Variants in ZDHHC7 observed in about 807,000 individuals in gnomAD.
ZDHHC7 encodes palmitoyltransferase ZDHHC7.
ZDHHC7 carries 12 observed loss-of-function variants against 34.1 expected under a neutral mutation model. The ratio of observed to expected loss-of-function variants is 0.35; its 90% CI spans 0.23 to 0.57. The LOEUF is 0.57. Among genes scored for constraint, ZDHHC7 ranks in the 20% least tolerant of loss-of-function variants. The pLI, the probability that ZDHHC7 is intolerant of heterozygous loss-of-function variation, is 0.84. For synonymous variants in ZDHHC7, 185 were observed against 155.4 expected, an observed-to-expected ratio of 1.19 and a Z score of -1.42; for missense variants, 388 against 402.7, an observed-to-expected ratio of 0.96 and a Z score of 0.31.
chr16:84,996,853 C>A (rs963160652), intron 1 of ZDHHC7, among the ~76,000 whole-genome samples: 3 of 151,980 alleles, frequency 2.0e-5, no homozygotes, highest in African/African-American at 7.3e-5. Context: ...ATGGTGAAAC[C>A]CCGTCGCTAC....
At chr16:85,009,650 C>T (rs2072762283) in intron 1 of ZDHHC7, among the ~76,000 whole-genome samples, 1 of 151,894 alleles carries the variant, frequency 6.6e-6, no homozygotes, top group African/African-American at 2.4e-5. Context: ...ATTTCAGTTC[C>T]ATTCCATATT....
upstream of ZDHHC7, chr16:85,011,606 C>G (rs925328711): frequency 2.0e-5 from 3 of 152,222 alleles, no homozygotes; most frequent in East Asian, 1.9e-4. Context: ...GAGGGGCGCT[C>G]GAGGCGGTTT....
intron 3 of ZDHHC7, chr16:84,988,830 G>C (rs746504143): frequency 6.4e-7 from 1 of 1,551,824 alleles, no homozygotes; most frequent in South Asian, 1.2e-5. Context: ...GTCCAGCCCA[G>C]TTTTCACTGT....
the ZDHHC7 span, among the ~76,000 whole-genome samples, chr16:85,020,298 T>C: frequency 6.6e-6 from 1 of 152,218 alleles, no homozygotes; most frequent in African/African-American, 2.4e-5. Flanking sequence ...TTTAAACTCA[T>C]ATTTATTCAT....
At chr16:84,988,197 A>G (rs1456678378) in intron 3 of ZDHHC7, among the ~76,000 whole-genome samples, 1 of 152,108 alleles carries the variant, frequency 6.6e-6, no homozygotes, top group South Asian at 2.1e-4. Context: ...GAACATGCAA[A>G]TTCCACAGAG....
chr16:85,021,162 C>T, the ZDHHC7 span, among the ~76,000 whole-genome samples: 6 of 151,718 alleles, frequency 4.0e-5, no homozygotes, highest in African/African-American at 1.5e-4. Flanking sequence ...ACCTGTAATC[C>T]CAGCACTTTG....
chr16:84,990,898 A>G (rs1322797891), intron 2 of ZDHHC7, among the ~76,000 whole-genome samples: 2 of 152,184 alleles, frequency 1.3e-5, no homozygotes, highest in Non-Finnish European at 2.9e-5. Context: ...GGCCACATAC[A>G]AAGATTATGG....
chr16:84,993,243 C>G (rs1264172865), intron 2 of ZDHHC7, among the ~76,000 whole-genome samples: 1 of 151,936 alleles, frequency 6.6e-6, no homozygotes, highest in Non-Finnish European at 1.5e-5. Context: ...ATTGCTTGAG[C>G]CTGGGAGGTG....
the ZDHHC7 span, among the ~76,000 whole-genome samples, chr16:85,018,742 G>A: frequency 3.3e-5 from 5 of 152,046 alleles, no homozygotes; most frequent in East Asian, 1.9e-4. Context: ...GAGCCACTGC[G>A]CCCAGCTGGT....
At chr16:84,990,868 A>AG (rs1186537689) in intron 2 of ZDHHC7, among the ~76,000 whole-genome samples, 1 of 90,766 alleles carries the variant, frequency 1.1e-5, no homozygotes, top group African/African-American at 7.4e-5. Context: ...CATATACAAA[A>AG]CCTATCTATG....
chr16:85,001,499 G>A (rs1269076125), intron 1 of ZDHHC7, among the ~76,000 whole-genome samples: 1 of 117,506 alleles, frequency 8.5e-6, no homozygotes, highest in African/African-American at 3.5e-5. Context: ...GTAAATGGAT[G>A]GCAAGAGCCA....
chr16:84,981,981 T>G lies in ZDHHC7; in HGVS notation c.329A>C (p.Lys110Thr). The stretch of plus-strand genomic sequence containing the variant: ...CATGTATTCTTTCGTAGCGTTTCCT[T>G]TGGGTACTGCCCCCTACCATATAAG... Reference protein sequence around the residue: ...TMLTDPGAVPKGNATKEYMES... With the variant: ...TMLTDPGAVPTGNATKEYMES... Residue 110 changes from lysine (K) to threonine (T), a missense_variant, in exon 4 of 8, where the codon AAA becomes ACA. Physicochemically the swap from Lys to Thr is moderately conservative, Grantham distance 78. Coordinates refer to ENST00000313732, the MANE Select transcript of ZDHHC7 (RefSeq NM_017740.3). 6.2e-7 allele frequency: 1 copy of G among 1,614,116 alleles called. No homozygotes were observed. The highest frequency in any genetic ancestry group is 1.1e-5 in the South Asian group (1 of 91,076).
chr16:85,004,383 C>A (rs963779933), intron 1 of ZDHHC7, among the ~76,000 whole-genome samples: 5 of 152,206 alleles, frequency 3.3e-5, no homozygotes, highest in East Asian at 1.9e-4. Context: ...CTGACCAGTC[C>A]TCTCTCTACT....
chr16:84,993,793 C>G (rs1425001041), intron 2 of ZDHHC7, among the ~76,000 whole-genome samples: 1 of 152,224 alleles, frequency 6.6e-6, no homozygotes, highest in African/African-American at 2.4e-5. Flanking sequence ...TCTGTCTGCT[C>G]AACATCCCCT....
At chr16:85,023,957 G>A in the ZDHHC7 span, among the ~76,000 whole-genome samples, 238 of 151,960 alleles carry the variant, frequency 1.6e-3, 1 homozygote, top group African/African-American at 5.3e-3. Context: ...TCGCTCTGTC[G>A]CCCAGGTTGG....
At position 84,983,477 on chromosome 16, in the gene ZDHHC7, A is replaced by G. The variant is rs111236800; in HGVS notation, c.316-1483T>C. ...GGATTCAGGGCTACCAACAGGCCAG[A>G]GCTGGAGCCTTGGGCAGCACAGGCA... On this transcript the variant is annotated intron_variant, in intron 3 of 7. Coordinates refer to ENST00000313732, the MANE Select transcript of ZDHHC7 (RefSeq NM_017740.3). Among the ~76,000 whole-genome samples, 770 of 152,258 alleles carry G rather than the reference A, an allele frequency of 5.1e-3. 7 individuals are homozygous for G. Among genetic ancestry groups the G allele is most frequent in the African/African-American group, 0.018 (739 of 41,546 alleles).
Position 84,978,019 on chromosome 16 carries a change from G to T in ZDHHC7, c.538-14C>A, listed in dbSNP as rs746221378. Reference sequence around the variant, plus strand: ...AGCTATATACATCTAGAATGAGGGGGAGATTGGTTAGTCACTTTTATTTTT... The same window carrying T: ...AGCTATATACATCTAGAATGAGGGGTAGATTGGTTAGTCACTTTTATTTTT... On this transcript the variant is annotated splice_polypyrimidine_tract_variant and intron_variant, in intron 5 of 7. Transcript: ENST00000313732. The T allele has an allele frequency of 6.3e-7, 1 of 1,584,460 alleles. No individual in the cohort carries two copies.
At chr16:84,984,949 G>A (rs1024479536) in intron 3 of ZDHHC7, among the ~76,000 whole-genome samples, 6 of 152,200 alleles carry the variant, frequency 3.9e-5, no homozygotes, top group South Asian at 2.1e-4. Context: ...CTGGAGCACC[G>A]TTTCCTCTGC....
the ZDHHC7 span, among the ~76,000 whole-genome samples, chr16:85,023,976 G>C: frequency 3.8e-4 from 58 of 152,270 alleles, 1 homozygote; most frequent in South Asian, 0.011. Context: ...GGAATGCAAT[G>C]GTAGGATCTC....
Sources: gnomAD v4.1 joint callset for allele counts (sites outside exome capture counted in the v4.1 genomes callset) on GRCh38, gnomAD v4.1.1 for gene constraint, MANE v1.5 for transcripts, NCBI Gene and HGNC (gene_info 2026-07-23, HGNC 2026-07-21) for gene names.